The following ACTR3B variants were observed in gnomAD, a reference collection of about 807,000 sequenced individuals.
ACTR3B encodes actin-related protein 3B.
ACTR3B carries 8 observed loss-of-function variants against 59.0 expected under a neutral mutation model. That is an observed-to-expected ratio of 0.14 (90% CI 0.08 to 0.24). The LOEUF (loss-of-function observed/expected upper bound fraction) is 0.24, where lower values mean the gene tolerates loss of function less well. Ranked by LOEUF, ACTR3B falls within the 10% of genes least tolerant of loss-of-function variation. The pLI is 1.00. For synonymous variants in ACTR3B, 148 were observed against 197.9 expected (o/e 0.75, Z 2.12); for missense variants, 245 against 552.3 (o/e 0.44, Z 5.58).
intron 6 of ACTR3B, among the ~76,000 whole-genome samples, chr7:152,817,919 T>C (rs1234313790): frequency 1.3e-5 from 2 of 152,190 alleles, no homozygotes; most frequent in Non-Finnish European, 2.9e-5. Flanking sequence ...GGGCCTACAG[T>C]CAGGGAGAAA....
intron 2 of ACTR3B, among the ~76,000 whole-genome samples, chr7:152,786,111 A>G (rs1380912320): frequency 6.8e-5 from 2 of 29,222 alleles, no homozygotes; most frequent in Non-Finnish European, 1.4e-4. Context: ...ATGTGTGGTG[A>G]TCAGAGAATG....
chr7:152,842,267 C>G lies in ACTR3B; in HGVS notation c.952-9859C>G, dbSNP rs1048486391. ...CACAGTAAGAGACTAGCAGCAATAA[C>G]TAATAATAATATGGATCAGTTATAA... On this transcript the variant is annotated intron_variant, in intron 9 of 11. Transcript: ENST00000256001. 2.2e-4 allele frequency among the ~76,000 whole-genome samples: 33 copies of G among 152,152 alleles called. 1 individual carries two copies. The highest frequency in any genetic ancestry group is 7.0e-4 in the African/African-American group (29 of 41,428).
intron 9 of ACTR3B, among the ~76,000 whole-genome samples, chr7:152,832,537 T>C (rs1797111744): frequency 6.6e-6 from 1 of 152,086 alleles, no homozygotes; most frequent in South Asian, 2.1e-4. Context: ...CAATAGCGGG[T>C]ATCTCACGAT....
chr7:152,778,943 C>CAAAAAAAAAAAA (rs59789390), intron 1 of ACTR3B, among the ~76,000 whole-genome samples: 2 of 36,826 alleles, frequency 5.4e-5, no homozygotes, highest in African/African-American at 1.3e-4. Context: ...ACTGTGTCTC[C>CAAAAAAAAAAAA]AAAAAAAAAA....
chr7:152,837,714 T>TG (rs1273926157), intron 9 of ACTR3B, among the ~76,000 whole-genome samples: 1 of 152,198 alleles, frequency 6.6e-6, no homozygotes, highest in Admixed American at 6.5e-5. Flanking sequence ...CAGAGAAAAT[T>TG]GGATTGTGTG....
rs1237857265 is a variant in ACTR3B, at chr7:152,852,264, G to A, written c.1077+13G>A. The A allele has an allele frequency of 1.9e-6, 3 of 1,607,768 alleles. No individual in the cohort carries two copies. The highest frequency in any genetic ancestry group is 1.7e-6 in the Non-Finnish European group (2 of 1,178,648). ...CGGGAGGATCAAGGTAGGAGCCAGAGGCCTCCACGCAGTGCCTGGGGCTAT... is the reference window on the plus strand; with the variant it reads ...CGGGAGGATCAAGGTAGGAGCCAGAAGCCTCCACGCAGTGCCTGGGGCTAT... On this transcript the variant is annotated intron_variant, in intron 10 of 11. Transcript: ENST00000256001.
chr7:152,842,836 A>G (rs1797973654), intron 9 of ACTR3B, among the ~76,000 whole-genome samples: 1 of 152,204 alleles, frequency 6.6e-6, no homozygotes, highest in South Asian at 2.1e-4. Context: ...GTTTTTCCAA[A>G]GTACTTACAG....
At chr7:152,778,651 A>G (rs1268883581) in intron 1 of ACTR3B, among the ~76,000 whole-genome samples, 1 of 150,324 alleles carries the variant, frequency 6.7e-6, no homozygotes, top group Non-Finnish European at 1.5e-5. Flanking sequence ...AAATTGCTGC[A>G]TTTGGTAGCT....
chr7:152,784,303 G>A lies in ACTR3B; in HGVS notation c.100+1061G>A, dbSNP rs115544560. On this transcript the variant is annotated intron_variant, in intron 2 of 11. Coordinates refer to ENST00000256001, the MANE Select transcript of ACTR3B (RefSeq NM_020445.6). ...ACAGGCTTTGTGAACAGTGGGGAAC[G>A]TCGACAGGGAAAAAACAGCTGGAGA... Among the ~76,000 whole-genome samples the A allele has an allele frequency of 2.5e-3, 388 of 152,274 alleles. 2 individuals carry two copies. The highest frequency in any genetic ancestry group is 8.8e-3 in the African/African-American group (364 of 41,548).
intron 1 of ACTR3B, among the ~76,000 whole-genome samples, chr7:152,760,525 T>C (rs777288350): frequency 6.6e-6 from 1 of 152,218 alleles, no homozygotes; most frequent in Non-Finnish European, 1.5e-5. Flanking sequence ...TCCCTGCGCT[T>C]TTCCAGTATG....
At chr7:152,796,860 G>GGT (rs2098218252) in intron 2 of ACTR3B, among the ~76,000 whole-genome samples, 4 of 54,752 alleles carry the variant, frequency 7.3e-5, no homozygotes, top group African/African-American at 2.8e-4. Flanking sequence ...TAGTTTTTGT[G>GGT]TTTTTTTTTT....
chr7:152,796,814 C>T (rs1265178729), intron 2 of ACTR3B, among the ~76,000 whole-genome samples: 1 of 140,912 alleles, frequency 7.1e-6, no homozygotes, highest in Non-Finnish European at 1.5e-5. Flanking sequence ...TCCCAATCCC[C>T]TTGTCTCAGG....
chr7:152,830,522 G>C (rs942078161), intron 9 of ACTR3B, among the ~76,000 whole-genome samples: 3 of 152,076 alleles, frequency 2.0e-5, no homozygotes, highest in Non-Finnish European at 4.4e-5. Flanking sequence ...CCTGTTGCAG[G>C]GTAAATGAGT....
chr7:152,821,917 G>A (rs1796201562), intron 7 of ACTR3B, among the ~76,000 whole-genome samples: 1 of 152,340 alleles, frequency 6.6e-6, no homozygotes, highest in East Asian at 1.9e-4. Flanking sequence ...CACCACCCTT[G>A]CAGCATGAAT....
At chr7:152,851,110 G>GT (rs1375588325) in intron 9 of ACTR3B, among the ~76,000 whole-genome samples, 9 of 152,164 alleles carry the variant, frequency 5.9e-5, no homozygotes, top group Non-Finnish European at 8.8e-5. Flanking sequence ...TATATACTGT[G>GT]TTTTTTCTTG....
chr7:152,764,324 A>G (rs2098100926), intron 1 of ACTR3B, among the ~76,000 whole-genome samples: 1 of 152,062 alleles, frequency 6.6e-6, no homozygotes, highest in Non-Finnish European at 1.5e-5. Context: ...TTCTTTAGAC[A>G]TGTCTTCATT....
chr7:152,812,716 C>T (rs1197936962), intron 4 of ACTR3B: 2 of 149,524 alleles, frequency 1.3e-5, no homozygotes, highest in African/African-American at 4.9e-5. Context: ...ATTCTTGGGT[C>T]GTACCTTCTT....
chr7:152,768,589 G>C (rs1040308305), intron 1 of ACTR3B, among the ~76,000 whole-genome samples: 12 of 151,500 alleles, frequency 7.9e-5, no homozygotes, highest in African/African-American at 2.9e-4. Flanking sequence ...CAATTCTCCT[G>C]CCTCAGCCTC....
intron 1 of ACTR3B, among the ~76,000 whole-genome samples, chr7:152,774,283 T>C (rs1036232273): frequency 1.3e-5 from 2 of 152,166 alleles, no homozygotes; most frequent in Non-Finnish European, 2.9e-5. Flanking sequence ...ATTACAGGCA[T>C]GCGCCACCGC....
Sources: allele counts gnomAD v4.1 joint callset (sites outside exome capture counted in the v4.1 genomes callset), GRCh38; gene constraint gnomAD v4.1.1; transcripts MANE v1.5; gene names NCBI Gene and HGNC (gene_info 2026-07-23, HGNC 2026-07-21).